RBMS3: variants seen among roughly 807,000 people sequenced by gnomAD.
RBMS3 encodes the protein RNA binding motif single stranded interacting protein 3.
A neutral mutation model predicts 66.8 loss-of-function variants in RBMS3; 27 were observed. The observed-to-expected ratio is 0.40, with a 90% CI of 0.30 to 0.56. RBMS3 has a LOEUF of 0.56. RBMS3 is among the 20% of genes least tolerant of loss of function. RBMS3 has a pLI of 0.40. For missense variants in RBMS3, 513 were observed against 549.5 expected (o/e 0.93, Z 0.66); for synonymous variants, 188 against 183.0 (o/e 1.03, Z -0.22).
intron 1 of RBMS3, among the ~76,000 whole-genome samples, chr3:29,295,219 C>T (rs557678723): frequency 6.7e-6 from 1 of 149,060 alleles, no homozygotes; most frequent in Admixed American, 6.7e-5. Flanking sequence ...CAGTGTTCTC[C>T]TCTGTCATAC....
In RBMS3 at chr3:30,005,868, A is replaced by G. The variant is rs1699791357; in HGVS notation, c.*2006A>G. On this transcript the variant is annotated 3_prime_UTR_variant, in exon 15 of 15. Transcript: ENST00000383767. ...AGTATGATTTATATCAATAAGAACC[A>G]AAAGAATTAGGTTTGATCAATCATT... 1 of 151,942 alleles carries G rather than the reference A, an allele frequency of 6.6e-6. No individual in the cohort carries two copies. Among genetic ancestry groups the G allele is most frequent in the Admixed American group, 6.6e-5 (1 of 15,238 alleles). 9.4% of individuals were successfully genotyped at this position (151,942 alleles called of 1,614,324 possible).
rs55943638 is a variant in RBMS3, at chr3:29,688,564, A to ATTTT, written c.400-51122_400-51119dup. Among the ~76,000 whole-genome samples, 48 of 67,116 alleles carry ATTTT rather than the reference A, an allele frequency of 7.2e-4. 9 individuals carry two copies. The highest frequency in any genetic ancestry group is 2.0e-3 in the African/African-American group (26 of 13,014). The allele number at this position is 67,116 out of a possible 152,430, so 44.0% of individuals were successfully genotyped here. A position where few individuals can be genotyped will look rare whatever the true frequency, so the allele number is the denominator to read the frequency against. On this transcript the variant is annotated intron_variant, in intron 4 of 14. Transcript: ENST00000383767. ...TCACATCAGGCACAAAAGTTACAGG[A>ATTTT]TTTTTTTTTTTTTTTTTTTTTTTTT...
At chr3:29,404,556 A>G (rs959282463) in intron 1 of RBMS3, among the ~76,000 whole-genome samples, 9 of 152,094 alleles carry the variant, frequency 5.9e-5, no homozygotes, top group African/African-American at 2.2e-4. Context: ...CCTTAATTGC[A>G]ACACTATTTT....
chr3:29,998,345 G>T (rs1396594319), intron 14 of RBMS3, among the ~76,000 whole-genome samples: 1 of 152,132 alleles, frequency 6.6e-6, no homozygotes, highest in African/African-American at 2.4e-5. Context: ...ACTGCCCAAG[G>T]TAATTGATAG....
At chr3:29,424,192 T>A (rs187080571) in intron 1 of RBMS3, among the ~76,000 whole-genome samples, 1 of 152,340 alleles carries the variant, frequency 6.6e-6, no homozygotes, top group East Asian at 1.9e-4. Flanking sequence ...TGAATGGGTA[T>A]AATTTTAGGT....
chr3:29,841,181 T>C (rs1450099724), intron 6 of RBMS3, among the ~76,000 whole-genome samples: 1 of 151,976 alleles, frequency 6.6e-6, no homozygotes, highest in East Asian at 1.9e-4. Context: ...ATTTTTCTCT[T>C]GGGTTGTGTA....
At chr3:29,611,874 C>G (rs1452160101) in intron 4 of RBMS3, among the ~76,000 whole-genome samples, 2 of 151,926 alleles carry the variant, frequency 1.3e-5, no homozygotes, top group Non-Finnish European at 2.9e-5. Flanking sequence ...TATGTGGATC[C>G]AGACACTTTC....
chr3:29,984,214 C>T (rs1252357175), intron 12 of RBMS3, among the ~76,000 whole-genome samples: 1 of 151,912 alleles, frequency 6.6e-6, no homozygotes, highest in Non-Finnish European at 1.5e-5. Flanking sequence ...GCTAATGATA[C>T]TTGTCTATGC....
chr3:29,384,863 G>A (rs764982172), intron 1 of RBMS3, among the ~76,000 whole-genome samples: 17 of 152,172 alleles, frequency 1.1e-4, no homozygotes, highest in Admixed American at 2.6e-4. Context: ...GGTTGGCTCA[G>A]ATTACCTTGT....
intron 6 of RBMS3, among the ~76,000 whole-genome samples, chr3:29,823,756 CAT>C (rs775809292): frequency 5.3e-5 from 8 of 152,116 alleles, no homozygotes; most frequent in African/African-American, 1.4e-4. Context: ...TAGGTGAACA[CAT>C]GTGCTTATTT....
At chr3:29,663,660 C>T (rs2050641583) in intron 4 of RBMS3, among the ~76,000 whole-genome samples, 1 of 152,200 alleles carries the variant, frequency 6.6e-6, no homozygotes. Flanking sequence ...ACTATACTAT[C>T]TAACAGCTTC....
rs1004702269 is a variant in RBMS3, at chr3:29,861,166, G to A, written c.638-7692G>A. On this transcript the variant is annotated intron_variant, in intron 6 of 14. Coordinates refer to ENST00000383767, the MANE Select transcript of RBMS3 (RefSeq NM_001003793.3). ...ACCTCAAAATTTTTCTTTAAAGGTA[G>A]CTCCTGGATCAAAAATTTATAACAT... Among the ~76,000 whole-genome samples, 6 of 152,006 alleles carry A rather than the reference G, an allele frequency of 3.9e-5. No individual in the cohort carries two copies. The South Asian group carries it at 1.2e-3, about 32-fold the overall frequency.
chr3:29,603,424 C>A (rs975325982), intron 4 of RBMS3, among the ~76,000 whole-genome samples: 25 of 152,054 alleles, frequency 1.6e-4, no homozygotes, highest in African/African-American at 5.3e-4. Flanking sequence ...CTTATCTGTG[C>A]AATCTTTTAG....
intron 4 of RBMS3, among the ~76,000 whole-genome samples, chr3:29,684,813 C>G (rs76733781): frequency 1.9e-4 from 27 of 144,990 alleles, no homozygotes; most frequent in Admixed American, 1.2e-3. Context: ...CACACACACA[C>G]ACAGACACAT....
intron 6 of RBMS3, among the ~76,000 whole-genome samples, chr3:29,785,678 T>C (rs1356188486): frequency 2.0e-5 from 3 of 152,144 alleles, no homozygotes; most frequent in East Asian, 1.9e-4. Context: ...AAAATTGTCA[T>C]AGAGGGACAT....
At chr3:29,662,351 G>A (rs548582122) in intron 4 of RBMS3, among the ~76,000 whole-genome samples, 1 of 152,238 alleles carries the variant, frequency 6.6e-6, no homozygotes, top group East Asian at 1.9e-4. Flanking sequence ...AAGGGGGAAA[G>A]GGCATTAAGA....
At chr3:29,623,033 C>A (rs576853008) in intron 4 of RBMS3, among the ~76,000 whole-genome samples, 1 of 149,710 alleles carries the variant, frequency 6.7e-6, no homozygotes, top group Non-Finnish European at 1.5e-5. Flanking sequence ...AGGAGAATGG[C>A]GTGAACTGGC....
intron 4 of RBMS3, among the ~76,000 whole-genome samples, chr3:29,657,633 G>A (rs2050372135): frequency 6.6e-6 from 1 of 152,142 alleles, no homozygotes; most frequent in South Asian, 2.1e-4. Flanking sequence ...CAAGGGAGGG[G>A]CAGGGTTCTC....
At chr3:29,808,176 C>T (rs548680094) in intron 6 of RBMS3, among the ~76,000 whole-genome samples, 2 of 151,890 alleles carry the variant, frequency 1.3e-5, no homozygotes, top group African/African-American at 4.8e-5. Context: ...TTTTGTTGTT[C>T]ATTTTTTTTT....
Sources: gnomAD v4.1 joint callset for allele counts (sites outside exome capture counted in the v4.1 genomes callset) on GRCh38, gnomAD v4.1.1 for gene constraint, MANE v1.5 for transcripts, NCBI Gene and HGNC (gene_info 2026-07-23, HGNC 2026-07-21) for gene names.